The following WDR5B variants were observed in gnomAD, a reference collection of about 807,000 sequenced individuals.
WDR5B encodes WD repeat domain 5B, also known as WD repeat-containing protein 5B.
In WDR5B, 17 loss-of-function variants were observed where a neutral mutation model predicts 24.0. That is an observed-to-expected ratio of 0.71 (90% confidence interval 0.49 to 1.06). The LOEUF (loss-of-function observed/expected upper bound fraction) is 1.06, where lower values mean the gene tolerates loss of function less well. Ranked by LOEUF, WDR5B falls within the 50% of genes least tolerant of loss-of-function variation. The probability of loss-of-function intolerance (pLI) is 0.00; values close to 1 mark genes in which losing one functional copy is unlikely to be tolerated. For missense variants in WDR5B, 368 were observed against 384.1 expected (o/e 0.96, Z 0.35); for synonymous variants, 150 against 146.4 (o/e 1.02, Z -0.18).
chr3:122,415,944 C>G lies in WDR5B; in HGVS notation c.-416G>C, dbSNP rs1019897070. The G allele has an allele frequency of 1.7e-5, 3 of 175,676 alleles. No individual in the cohort carries two copies. Among genetic ancestry groups the G allele is most frequent in the African/African-American group, 7.2e-5 (3 of 41,746 alleles). 10.9% of individuals were successfully genotyped at this position (175,676 alleles called of 1,614,324 possible). A position where few individuals can be genotyped will look rare whatever the true frequency, so the allele number is the denominator to read the frequency against. On this transcript the variant is annotated 5_prime_UTR_variant, in exon 1 of 1. Transcript: ENST00000330689. ...GCAGCCCTACCAGTCAGGCTAGGTA[C>G]TTGAAGATGAATGAACCGCCGCTTT...
In WDR5B at chr3:122,411,972, A is replaced by G. The variant is rs565996133; in HGVS notation, c.*2564T>C. ...TCCTATTTGATAACATATAGTGACT[A>G]TCTCTTTATGGGTTAAATATCAGTT... On this transcript the variant is annotated 3_prime_UTR_variant, in exon 1 of 1. Transcript: ENST00000330689. 3.2e-4 allele frequency: 48 copies of G among 152,314 alleles called. No individual in the cohort carries two copies. Among genetic ancestry groups the G allele is most frequent in the African/African-American group, 9.1e-4 (38 of 41,576 alleles). The allele number at this position is 152,314 out of a possible 1,614,324, so 9.4% of individuals were successfully genotyped here. A position where few individuals can be genotyped will look rare whatever the true frequency, so the allele number is the denominator to read the frequency against.
chr3:122,415,092 T>A lies in WDR5B; in HGVS notation c.437A>T (p.Asp146Val). 1 of 1,614,208 alleles carries A rather than the reference T, an allele frequency of 6.2e-7. No homozygotes were observed. The highest frequency in any genetic ancestry group is 1.7e-5 in the Admixed American group (1 of 60,026). Reference sequence around the variant, plus strand: ...CACCTCCCATATTTTTACAGTCTCATCAAAAGATCCCGAGATTATAAGGTT... The same window carrying A: ...CACCTCCCATATTTTTACAGTCTCAACAAAAGATCCCGAGATTATAAGGTT... ...PSNLIISGSF[D>V]ETVKIWEVKT... The change falls in exon 1 of 1, where the codon GAT (aspartate) becomes GTT (valine). Residue 146 changes from aspartate (D) to valine (V), a missense_variant. Transcript: ENST00000330689.
chr3:122,415,909 G>A lies in WDR5B; in HGVS notation c.-381C>T, dbSNP rs1007153232. The A allele has an allele frequency of 1.4e-4, 27 of 191,490 alleles. 1 individual carries two copies. The highest frequency in any genetic ancestry group is 4.7e-4 in the African/African-American group (20 of 42,300). The allele number at this position is 191,490 out of a possible 1,614,324, so 11.9% of individuals were successfully genotyped here. On this transcript the variant is annotated 5_prime_UTR_variant, in exon 1 of 1. Transcript: ENST00000330689. ...CCCCCTCCCCAGGTCGAAATGTTTC[G>A]GAATGCTGAGCAGCCCTACCAGTCA...
Position 122,412,741 on chromosome 3 carries a change from A to C in WDR5B, c.*1795T>G, listed in dbSNP as rs967570673. 6.6e-6 allele frequency: 1 copy of C among 152,238 alleles called. No homozygotes were observed. 9.4% of individuals were successfully genotyped at this position (152,238 alleles called of 1,614,324 possible). A position where few individuals can be genotyped will look rare whatever the true frequency, so the allele number is the denominator to read the frequency against. On this transcript the variant is annotated 3_prime_UTR_variant, in exon 1 of 1. Coordinates refer to ENST00000330689, the MANE Select transcript of WDR5B (RefSeq NM_019069.4). Reference sequence around the variant, plus strand: ...CATCAGACATTTAGCTTGCCTGAAAATCACAAGCACAATCTAAAAAGGTAG... The same window carrying C: ...CATCAGACATTTAGCTTGCCTGAAACTCACAAGCACAATCTAAAAAGGTAG...
rs991473257 is a variant in WDR5B, at chr3:122,413,280, C to T, written c.*1256G>A. On this transcript the variant is annotated 3_prime_UTR_variant, in exon 1 of 1. Coordinates refer to ENST00000330689, the MANE Select transcript of WDR5B (RefSeq NM_019069.4). ...TACAAAATATAACCACAATGAGATA[C>T]TCTCTTAAACCAGTTAGAATGGCTA... 4.6e-5 allele frequency: 7 copies of T among 152,190 alleles called. No individual in the cohort carries two copies. The highest frequency in any genetic ancestry group is 1.4e-4 in the African/African-American group (6 of 41,450). 9.4% of individuals were successfully genotyped at this position (152,190 alleles called of 1,614,324 possible). A position where few individuals can be genotyped will look rare whatever the true frequency, so the allele number is the denominator to read the frequency against.
chr3:122,415,082 TAC>T lies in WDR5B; in HGVS notation c.445_446del (p.Val149LysfsTer19), dbSNP rs773015206. ...LIISGSFDETVKIWEVKTGKC... is the reference protein window; with the variant it reads ...LIISGSFDETXKIWEVKTGKC... ...TTCCTGTTTTCACCTCCCATATTTT[TAC>T]AGTCTCATCAAAAGATCCCGAGATT... is the stretch of plus-strand genomic sequence containing the variant. On this transcript the variant is annotated frameshift_variant, in exon 1 of 1. Transcript: ENST00000330689. LOFTEE classifies it high-confidence loss of function. 2.4e-5 allele frequency: 39 copies of T among 1,614,076 alleles called. No homozygotes were observed. Among genetic ancestry groups the T allele is most frequent in the South Asian group, 6.6e-5 (6 of 91,072 alleles).
chr3:122,413,801 C>T lies in WDR5B; in HGVS notation c.*735G>A, dbSNP rs560569507. 9 of 152,178 alleles carry T rather than the reference C, an allele frequency of 5.9e-5. No individual in the cohort carries two copies. Among genetic ancestry groups the T allele is most frequent in the African/African-American group, 2.2e-4 (9 of 41,498 alleles). 9.4% of individuals were successfully genotyped at this position (152,178 alleles called of 1,614,324 possible). A position where few individuals can be genotyped will look rare whatever the true frequency, so the allele number is the denominator to read the frequency against. On this transcript the variant is annotated 3_prime_UTR_variant, in exon 1 of 1. Transcript: ENST00000330689. Reference sequence around the variant, plus strand: ...CTGCACTGTTTATCGCAGCACTATTCATAATAGTGCTGTTTATCGCAGCAC... The same window carrying T: ...CTGCACTGTTTATCGCAGCACTATTTATAATAGTGCTGTTTATCGCAGCAC...
rs2075726445 is a variant in WDR5B, at chr3:122,414,951, A to T, written c.578T>A (p.Ile193Asn). The change falls in exon 1 of 1, where the codon ATC becomes AAC. Residue 193 changes from isoleucine (I) to asparagine (N), a missense_variant. Physicochemically the swap from Ile to Asn is moderately radical, Grantham distance 149 (BLOSUM62 -3). Transcript: ENST00000330689. ...ACACTGACCTGATGCAGCATCCCAG[A>T]TTCTACAGAGGCCATCATAGCTACC... ...VSGSYDGLCR[I>N]WDAASGQCLK... 6.2e-7 allele frequency: 1 copy of T among 1,614,110 alleles called. No individual in the cohort carries two copies. Among genetic ancestry groups the T allele is most frequent in the Admixed American group, 1.7e-5 (1 of 60,004 alleles).
Position 122,414,780 on chromosome 3 carries a change from C to T in WDR5B, c.749G>A (p.Gly250Asp). The change falls in exon 1 of 1, where the codon GGT becomes GAT. Residue 250 changes from glycine to aspartate, a missense_variant. Physicochemically the swap from Gly to Asp is moderately conservative, Grantham distance 94. Transcript: ENST00000330689. Reference sequence around the variant, plus strand: ...TATGCAATATTTCTCATTCTTATGACCAGTGTATGTTTTCAGGCACCTGCC... The same window carrying T: ...TATGCAATATTTCTCATTCTTATGATCAGTGTATGTTTTCAGGCACCTGCC... Reference protein sequence around the residue: ...SRGRCLKTYTGHKNEKYCIFA... With the variant: ...SRGRCLKTYTDHKNEKYCIFA... The T allele has an allele frequency of 1.9e-6, 3 of 1,614,140 alleles. No homozygotes were observed. The highest frequency in any genetic ancestry group is 2.5e-6 in the Non-Finnish European group (3 of 1,180,034).
In WDR5B at chr3:122,415,553, G is replaced by A. The variant is rs752667326; in HGVS notation, c.-25C>T. 4 of 1,592,348 alleles carry A rather than the reference G, an allele frequency of 2.5e-6. No homozygotes were observed. Among genetic ancestry groups the A allele is most frequent in the African/African-American group, 2.7e-5 (2 of 74,354 alleles). ...TGGCTCTGAAGCTCCAAGTTAGCAG[G>A]TGTACTAGGCGTTCAGCCCTGAACC... On this transcript the variant is annotated 5_prime_UTR_variant, in exon 1 of 1. Transcript: ENST00000330689.
rs1037063644 is a variant in WDR5B at position 122,416,031 on chromosome 3, G to C, written c.-503C>G. 5.9e-6 allele frequency: 1 copy of C among 168,118 alleles called. No individual in the cohort carries two copies. Among genetic ancestry groups the C allele is most frequent in the Admixed American group, 6.5e-5 (1 of 15,356 alleles). 10.4% of individuals were successfully genotyped at this position (168,118 alleles called of 1,614,324 possible). A position where few individuals can be genotyped will look rare whatever the true frequency, so the allele number is the denominator to read the frequency against. On this transcript the variant is annotated 5_prime_UTR_variant, in exon 1 of 1. Coordinates refer to ENST00000330689, the MANE Select transcript of WDR5B (RefSeq NM_019069.4). ...CGAAACTGGAAACTCTGGCCTGTCG[G>C]CTACTTTTGCTCGTACCAGCAGGTG... is the stretch of plus-strand genomic sequence containing the variant.
Position 122,415,186 on chromosome 3 carries a change from C to T in WDR5B, c.343G>A (p.Gly115Arg). 1 of 1,614,202 alleles carries T rather than the reference C, an allele frequency of 6.2e-7. No homozygotes were observed. The highest frequency in any genetic ancestry group is 8.5e-7 in the Non-Finnish European group (1 of 1,180,040). Reference protein sequence around the residue: ...KTLKLWDVRSGKCLKTLKGHS... With the variant: ...KTLKLWDVRSRKCLKTLKGHS... ...CCCTTCAGTGTTTTCAAACATTTTC[C>T]AGATCTCACATCCCATAATTTTAGA... Residue 115 changes from glycine to arginine, a missense_variant, in exon 1 of 1, where the codon GGA becomes AGA. Coordinates refer to ENST00000330689, the MANE Select transcript of WDR5B (RefSeq NM_019069.4).
Position 122,414,637 on chromosome 3 carries a change from C to G in WDR5B, c.892G>C (p.Asp298His), listed in dbSNP as rs761204776. 5.6e-6 allele frequency: 9 copies of G among 1,614,180 alleles called. No homozygotes were observed. The South Asian group carries it at 9.9e-5, about 18-fold the overall frequency. ...TGACAAGCTGCTGAGATCACAACAT[C>G]TGTATGGCCTTGTAATTTCTGCACA... Reference protein sequence around the residue: ...EIVQKLQGHTDVVISAACHPT... With the variant: ...EIVQKLQGHTHVVISAACHPT... Residue 298 changes from aspartate to histidine, a missense_variant, in exon 1 of 1, where the codon GAT (aspartate) becomes CAT (histidine). Coordinates refer to ENST00000330689, the MANE Select transcript of WDR5B (RefSeq NM_019069.4).
Position 122,415,077 on chromosome 3 carries a change from A to G in WDR5B, c.452T>C (p.Ile151Thr). Reference protein sequence around the residue: ...ISGSFDETVKIWEVKTGKCLK... With the variant: ...ISGSFDETVKTWEVKTGKCLK... ...ACACTTTCCTGTTTTCACCTCCCAT[A>G]TTTTTACAGTCTCATCAAAAGATCC... The change falls in exon 1 of 1, where the codon ATA (isoleucine) becomes ACA (threonine). Residue 151 changes from isoleucine to threonine, a missense_variant. Transcript: ENST00000330689. 6.2e-7 allele frequency: 1 copy of G among 1,614,110 alleles called. No individual in the cohort carries two copies. Among genetic ancestry groups the G allele is most frequent in the Non-Finnish European group, 8.5e-7 (1 of 1,180,032 alleles).
In WDR5B at chr3:122,415,334, G is replaced by T; in HGVS notation, c.195C>A (p.Ile65=). The part of the protein sequence containing the change: ...WLASSSADRL[I]IIWGAYDGKY... ...TTCCATCATATGCTCCCCAAATTAT[G>T]ATTAGCCTATCAGCAGAAGAACTTG... is the stretch of plus-strand genomic sequence containing the variant. Residue 65 remains isoleucine (I), a synonymous_variant, in exon 1 of 1, where the codon ATC becomes ATA. Coordinates refer to ENST00000330689, the MANE Select transcript of WDR5B (RefSeq NM_019069.4). 1 of 1,614,222 alleles carries T rather than the reference G, an allele frequency of 6.2e-7. No homozygotes were observed. Among genetic ancestry groups the T allele is most frequent in the Non-Finnish European group, 8.5e-7 (1 of 1,180,044 alleles).
At position 122,415,145 on chromosome 3, in the gene WDR5B, G is replaced by T; in HGVS notation, c.384C>A (p.Val128=). The part of the protein sequence containing the change: ...LKTLKGHSNY[V]FCCNFNPPSN... ...ATGGCGGATTGAAGTTACAACAAAAGACATAATTACTGTGCCCCTTCAGTG... is the reference window on the plus strand; with the variant it reads ...ATGGCGGATTGAAGTTACAACAAAATACATAATTACTGTGCCCCTTCAGTG... Residue 128 remains valine, a synonymous_variant, in exon 1 of 1, where the codon GTC becomes GTA. Transcript: ENST00000330689. 6.2e-7 allele frequency: 1 copy of T among 1,614,172 alleles called. No homozygotes were observed. The highest frequency in any genetic ancestry group is 8.5e-7 in the Non-Finnish European group (1 of 1,180,026).
Position 122,415,525 on chromosome 3 carries a change from C to T in WDR5B, c.4G>A (p.Ala2Thr). Residue 2 changes from alanine to threonine, a missense_variant, in exon 1 of 1, where the codon GCA becomes ACA. Ala to Thr is a moderately conservative substitution (Grantham distance 58, BLOSUM62 0). Transcript: ENST00000330689. M[A>T]TKESRDAKAQ... ...TTGGCGTCTCTTGACTCCTTGGTTG[C>T]CATGGCTCTGAAGCTCCAAGTTAGC... The T allele has an allele frequency of 6.2e-7, 1 of 1,608,388 alleles. No homozygotes were observed. The highest frequency in any genetic ancestry group is 1.1e-5 in the South Asian group (1 of 90,302).
Position 122,412,414 on chromosome 3 carries a change from G to A in WDR5B, c.*2122C>T, listed in dbSNP as rs1176670771. 6.6e-6 allele frequency: 1 copy of A among 152,182 alleles called. No homozygotes were observed. The highest frequency in any genetic ancestry group is 2.4e-5 in the African/African-American group (1 of 41,440). 9.4% of individuals were successfully genotyped at this position (152,182 alleles called of 1,614,324 possible). On this transcript the variant is annotated 3_prime_UTR_variant, in exon 1 of 1. Coordinates refer to ENST00000330689, the MANE Select transcript of WDR5B (RefSeq NM_019069.4). ...TTTATCAAAGCAGGCAAGGAATGAA[G>A]TTGTATCCTTCACTGTCAAACATTA...
At position 122,415,634 on chromosome 3, in the gene WDR5B, T is replaced by C. The variant is rs1184473777; in HGVS notation, c.-106A>G. Reference sequence around the variant, plus strand: ...GCAAAATGAAGATAAACGCACAGGATTTTAAAATGTACAGTTTTGAAAGCT... The same window carrying C: ...GCAAAATGAAGATAAACGCACAGGACTTTAAAATGTACAGTTTTGAAAGCT... On this transcript the variant is annotated 5_prime_UTR_variant, in exon 1 of 1. Coordinates refer to ENST00000330689, the MANE Select transcript of WDR5B (RefSeq NM_019069.4). 5 of 1,402,926 alleles carry C rather than the reference T, an allele frequency of 3.6e-6. No individual in the cohort carries two copies. The highest frequency in any genetic ancestry group is 4.8e-6 in the Non-Finnish European group (5 of 1,036,776). The allele number at this position is 1,402,926 out of a possible 1,614,324, so 86.9% of individuals were successfully genotyped here.
Sources: gnomAD v4.1 joint callset for allele counts on GRCh38, gnomAD v4.1.1 for gene constraint, MANE v1.5 for transcripts, NCBI Gene and HGNC (gene_info 2026-07-23, HGNC 2026-07-21) for gene names.